GTF2IRD1: variants seen among roughly 807,000 people sequenced by gnomAD.
GTF2IRD1 encodes GTF2I repeat domain containing 1, also known as general transcription factor II-I repeat domain-containing protein 1.
Under a neutral mutation model 113.2 loss-of-function variants are expected in GTF2IRD1, and 26 were observed. The observed-to-expected ratio is 0.23, with a 90% CI of 0.17 to 0.32. GTF2IRD1 has a LOEUF of 0.32. GTF2IRD1 is among the 10% of genes least tolerant of loss of function. The probability of loss-of-function intolerance (pLI) is 1.00; values close to 1 mark genes in which losing one functional copy is unlikely to be tolerated. For missense variants in GTF2IRD1, 864 were observed against 1,280.8 expected (o/e 0.67, Z 4.97); for synonymous variants, 484 against 529.1 (o/e 0.91, Z 1.17).
chr7:74,536,677 G>A (rs1293544847), intron 11 of GTF2IRD1, among the ~76,000 whole-genome samples: 3 of 151,866 alleles, frequency 2.0e-5, no homozygotes, highest in Admixed American at 6.6e-5. Context: ...GTGGTGGTGC[G>A]CATGTGTAAT....
intron 1 of GTF2IRD1, among the ~76,000 whole-genome samples, chr7:74,462,358 T>C (rs1330315891): frequency 2.6e-5 from 4 of 152,206 alleles, no homozygotes; most frequent in Admixed American, 1.3e-4. Flanking sequence ...CCTTGTCTCT[T>C]GTCCTGACCC....
chr7:74,514,548 G>T (rs1171419813), intron 3 of GTF2IRD1, among the ~76,000 whole-genome samples: 8 of 152,022 alleles, frequency 5.3e-5, no homozygotes, highest in Admixed American at 5.2e-4. Context: ...GGGGCCGCAG[G>T]CCCCTCCTCT....
intron 9 of GTF2IRD1, among the ~76,000 whole-genome samples, chr7:74,532,971 G>A (rs1450607936): frequency 6.6e-6 from 1 of 151,826 alleles, no homozygotes; most frequent in Non-Finnish European, 1.5e-5. Flanking sequence ...GAGGGCCCCT[G>A]ACCCACCACC....
chr7:74,514,681 G>T (rs1796823117), intron 3 of GTF2IRD1, among the ~76,000 whole-genome samples: 1 of 151,800 alleles, frequency 6.6e-6, no homozygotes, highest in African/African-American at 2.4e-5. Context: ...CTTGGAGCAG[G>T]GGTTGGGGGG....
intron 3 of GTF2IRD1, among the ~76,000 whole-genome samples, chr7:74,514,859 C>G (rs1360470119): frequency 2.0e-5 from 3 of 151,890 alleles, no homozygotes; most frequent in African/African-American, 7.3e-5. Flanking sequence ...GAGTTCGAGA[C>G]CAGCCTGGCC....
chr7:74,596,459 CAAAAAAAAAA>C (rs1184751959), intron 25 of GTF2IRD1, among the ~76,000 whole-genome samples: 2 of 60,508 alleles, frequency 3.3e-5, no homozygotes, highest in Non-Finnish European at 6.4e-5. Flanking sequence ...GACTCTGTCT[CAAAAAAAAAA>C]AAAAAAAGAA....
intron 1 of GTF2IRD1, among the ~76,000 whole-genome samples, chr7:74,499,132 AG>A (rs1331522429): frequency 2.6e-5 from 4 of 152,022 alleles, no homozygotes. Flanking sequence ...GTGAATGAGT[AG>A]GGGTGGTGAG....
chr7:74,518,122 TG>T lies in GTF2IRD1; in HGVS notation c.422-15del. Reference sequence around the variant, plus strand: ...GCCCTCTCATACCAGGCCCCTCTCCTGGACTCTCCCCTACAGGCGAGGCCCT... The same window carrying T: ...GCCCTCTCATACCAGGCCCCTCTCCTGACTCTCCCCTACAGGCGAGGCCCT... On this transcript the variant is annotated splice_polypyrimidine_tract_variant and intron_variant, in intron 4 of 26. Coordinates refer to ENST00000424337, the MANE Select transcript of GTF2IRD1 (RefSeq NM_005685.4). 1 of 1,513,224 alleles carries T rather than the reference TG, an allele frequency of 6.6e-7. No homozygotes were observed. Among genetic ancestry groups the T allele is most frequent in the African/African-American group, 1.4e-5 (1 of 70,140 alleles). The allele number at this position is 1,513,224 out of a possible 1,614,324, so 93.7% of individuals were successfully genotyped here.
intron 9 of GTF2IRD1, among the ~76,000 whole-genome samples, chr7:74,531,302 C>G (rs1457186153): frequency 6.6e-6 from 1 of 150,918 alleles, no homozygotes; most frequent in Admixed American, 6.6e-5. Context: ...ATTCGGGCGA[C>G]AGAGATTGCA....
rs782665844 is a variant in GTF2IRD1, at chr7:74,559,064, AG to A, written c.2291+23del. On this transcript the variant is annotated intron_variant, in intron 21 of 26. Coordinates refer to ENST00000424337, the MANE Select transcript of GTF2IRD1 (RefSeq NM_005685.4). Reference sequence around the variant, plus strand: ...CACCAGGTACTCAGTGGGAAGGGTGAGGGTGAAGAGGCAGGACTAGCTCAGA... The same window carrying A: ...CACCAGGTACTCAGTGGGAAGGGTGAGGTGAAGAGGCAGGACTAGCTCAGA... 5.6e-6 allele frequency: 9 copies of A among 1,605,818 alleles called. No homozygotes were observed. The South Asian group carries it at 8.9e-5, about 16-fold the overall frequency.
chr7:74,517,427 C>CTTTTTTTTTTTT (rs59499031), intron 4 of GTF2IRD1, among the ~76,000 whole-genome samples: 2 of 77,424 alleles, frequency 2.6e-5, no homozygotes, highest in African/African-American at 5.2e-5. Context: ...CTCCCTACAC[C>CTTTTTTTTTTTT]TTTTTTTTTT....
chr7:74,552,123 G>A (rs1333221338), intron 17 of GTF2IRD1, among the ~76,000 whole-genome samples: 19 of 152,070 alleles, frequency 1.2e-4, no homozygotes, highest in Admixed American at 1.0e-3. Context: ...TGTGGCCCAC[G>A]CCTGTAATCC....
chr7:74,579,694 G>A (rs115577390), intron 22 of GTF2IRD1, among the ~76,000 whole-genome samples: 2,333 of 151,914 alleles, frequency 0.015, 68 homozygotes, highest in African/African-American at 0.052. Flanking sequence ...CTGTCATTCC[G>A]GCTAGAGTCC....
intron 14 of GTF2IRD1, among the ~76,000 whole-genome samples, chr7:74,543,861 C>T (rs1424626645): frequency 6.9e-6 from 1 of 144,416 alleles, no homozygotes; most frequent in Non-Finnish European, 1.5e-5. Context: ...CATAGCAAGA[C>T]CCCATCTCTA....
chr7:74,556,112 C>T (rs1212139724), intron 19 of GTF2IRD1, among the ~76,000 whole-genome samples: 1 of 151,690 alleles, frequency 6.6e-6, no homozygotes, highest in Non-Finnish European at 1.5e-5. Flanking sequence ...ATTAGTTGGG[C>T]GAGGTGGCGT....
intron 25 of GTF2IRD1, 170 bp from the exon 26 acceptor site, chr7:74,600,874 G>A (rs1457295473): frequency 2.1e-5 from 14 of 660,670 alleles, no homozygotes; most frequent in South Asian, 3.9e-5. Flanking sequence ...GAAGGAGGCT[G>A]GACATGTGGG....
intron 17 of GTF2IRD1, among the ~76,000 whole-genome samples, chr7:74,552,732 A>G (rs1371549107): frequency 6.6e-6 from 1 of 152,188 alleles, no homozygotes; most frequent in Non-Finnish European, 1.5e-5. Flanking sequence ...TTCAACAGCA[A>G]GTCCTCATGA....
intron 1 of GTF2IRD1, among the ~76,000 whole-genome samples, chr7:74,471,692 AAAAAAAAAAC>A (rs1554332406): frequency 9.2e-5 from 8 of 86,800 alleles, no homozygotes; most frequent in South Asian, 6.3e-4. Flanking sequence ...AAAAAAAACA[AAAAAAAAAAC>A]AAAAAAAACG....
At chr7:74,527,810 C>T (rs945849371) in intron 8 of GTF2IRD1, among the ~76,000 whole-genome samples, 3 of 152,038 alleles carry the variant, frequency 2.0e-5, no homozygotes, top group Non-Finnish European at 4.4e-5. Flanking sequence ...CGCTGCACTC[C>T]AGCCTGGGCA....
Sources: allele counts gnomAD v4.1 joint callset (sites outside exome capture counted in the v4.1 genomes callset), GRCh38; gene constraint gnomAD v4.1.1; transcripts MANE v1.5; gene names NCBI Gene and HGNC (gene_info 2026-07-23, HGNC 2026-07-21).